Variants in WWOX observed in about 807,000 individuals in gnomAD.
The protein encoded by WWOX is WW domain containing oxidoreductase, also known as WW domain-containing oxidoreductase.
Under a neutral mutation model 46.2 loss-of-function variants are expected in WWOX, and 69 were observed. The observed-to-expected ratio is 1.49, with a 90% CI of 1.23 to 1.82. WWOX has a LOEUF of 1.82. Among genes scored for constraint, WWOX ranks in the 40% most tolerant of loss-of-function variants. The probability of loss-of-function intolerance (pLI) is 0.00; values close to 1 mark genes in which losing one functional copy is unlikely to be tolerated. For synonymous variants in WWOX, 359 were observed against 202.6 expected (o/e 1.77, Z -6.56); for missense variants, 919 against 542.6 (o/e 1.69, Z -6.89).
intron 8 of WWOX, among the ~76,000 whole-genome samples, chr16:79,026,933 C>T (rs1044142369): frequency 2.6e-5 from 4 of 150,990 alleles, no homozygotes; most frequent in Admixed American, 6.6e-5. Context: ...CTGGGCGGCA[C>T]GTGGTAGACT....
At chr16:78,489,464 A>G (rs922111210) in intron 8 of WWOX, among the ~76,000 whole-genome samples, 27 of 151,926 alleles carry the variant, frequency 1.8e-4, no homozygotes, top group African/African-American at 6.0e-4. Context: ...CAGCAGGGAC[A>G]TTCGTGAGCT....
At chr16:78,593,645 A>T (rs2045403679) in intron 8 of WWOX, among the ~76,000 whole-genome samples, 1 of 151,922 alleles carries the variant, frequency 6.6e-6, no homozygotes, top group African/African-American at 2.4e-5. Flanking sequence ...GCATAACTTC[A>T]CCACACACAG....
At chr16:78,542,541 A>G (rs1404211635) in intron 8 of WWOX, among the ~76,000 whole-genome samples, 1 of 152,176 alleles carries the variant, frequency 6.6e-6, no homozygotes, top group Non-Finnish European at 1.5e-5. Flanking sequence ...AAACTATGCA[A>G]CAGAAGCCGA....
chr16:78,225,901 A>G (rs2037038455), intron 5 of WWOX, among the ~76,000 whole-genome samples: 1 of 152,118 alleles, frequency 6.6e-6, no homozygotes, highest in Non-Finnish European at 1.5e-5. Flanking sequence ...ACTCCCTTCT[A>G]TTCTACATCT....
At position 78,156,079 on chromosome 16, in the gene WWOX, A is replaced by G. The variant is rs551947338; in HGVS notation, c.410-8104A>G. ...AAAGTAGACTAGCAACGGGTAATGCATTGCTTAGATAAAGGAAGATGTAAG... is the reference window on the plus strand; with the variant it reads ...AAAGTAGACTAGCAACGGGTAATGCGTTGCTTAGATAAAGGAAGATGTAAG... On this transcript the variant is annotated intron_variant, in intron 4 of 8. Transcript: ENST00000566780. 1.5e-3 allele frequency among the ~76,000 whole-genome samples: 223 copies of G among 152,340 alleles called. 1 individual carries two copies. Among genetic ancestry groups the G allele is most frequent in the South Asian group, 5.8e-3 (28 of 4,822 alleles).
chr16:78,582,628 G>T (rs868832129), intron 8 of WWOX, among the ~76,000 whole-genome samples: 3 of 152,090 alleles, frequency 2.0e-5, no homozygotes, highest in East Asian at 1.9e-4. Flanking sequence ...GTGGTTGATT[G>T]GTCCAACCTT....
intron 5 of WWOX, chr16:78,265,002 T>TTTCTTTC (rs532710320): frequency 9.5e-5 from 6 of 63,236 alleles, no homozygotes; most frequent in East Asian, 1.2e-3. Flanking sequence ...TCTTTCTTTC[T>TTTCTTTC]TTTTTTTTTT....
At chr16:78,619,246 C>T (rs1433076371) in intron 8 of WWOX, among the ~76,000 whole-genome samples, 1 of 108,650 alleles carries the variant, frequency 9.2e-6, no homozygotes, top group African/African-American at 3.6e-5. Context: ...CCCTTGTAGT[C>T]CCAGCTACTT....
intron 8 of WWOX, among the ~76,000 whole-genome samples, chr16:78,995,222 C>T (rs542197770): frequency 6.6e-6 from 1 of 151,998 alleles, no homozygotes; most frequent in Non-Finnish European, 1.5e-5. Flanking sequence ...ATACGTGATT[C>T]CAAAGCCCAT....
intron 8 of WWOX, among the ~76,000 whole-genome samples, chr16:78,501,060 G>A (rs1168312993): frequency 5.3e-5 from 8 of 152,150 alleles, no homozygotes; most frequent in Admixed American, 5.2e-4. Context: ...TAACAGTGAA[G>A]AATGTTGGGC....
intron 8 of WWOX, among the ~76,000 whole-genome samples, chr16:78,669,740 T>C (rs2047416582): frequency 6.6e-6 from 1 of 152,228 alleles, no homozygotes; most frequent in Non-Finnish European, 1.5e-5. Context: ...ATCCCTTCAA[T>C]ATGTGTTCCC....
chr16:78,941,048 C>T (rs1223211104), intron 8 of WWOX, among the ~76,000 whole-genome samples: 1 of 151,972 alleles, frequency 6.6e-6, no homozygotes, highest in Non-Finnish European at 1.5e-5. Context: ...AGACTCACAG[C>T]CATGAATTTC....
intron 4 of WWOX, among the ~76,000 whole-genome samples, chr16:78,128,716 T>G (rs1356925204): frequency 6.6e-6 from 1 of 152,224 alleles, no homozygotes; most frequent in Non-Finnish European, 1.5e-5. Context: ...ATGGAGAGAC[T>G]CCGCTGTGTC....
intron 8 of WWOX, among the ~76,000 whole-genome samples, chr16:79,117,165 C>G (rs551841981): frequency 3.9e-5 from 6 of 152,266 alleles, no homozygotes; most frequent in African/African-American, 1.2e-4. Flanking sequence ...GCACATGCCA[C>G]TAGGCTGGGC....
chr16:78,901,291 G>C (rs2044825345), intron 8 of WWOX, among the ~76,000 whole-genome samples: 1 of 152,212 alleles, frequency 6.6e-6, no homozygotes, highest in Non-Finnish European at 1.5e-5. Context: ...CAAAGTATGT[G>C]TTTGTGAAAA....
rs117991174 is a variant in WWOX, at chr16:79,128,820, C to T, written c.1057-82788C>T. Among the ~76,000 whole-genome samples the T allele has an allele frequency of 9.5e-4, 144 of 152,266 alleles. 3 individuals are homozygous for T. In the East Asian group the frequency reaches 0.025, roughly 27 times the overall value. On this transcript the variant is annotated intron_variant, in intron 8 of 8. Transcript: ENST00000566780. The stretch of plus-strand genomic sequence containing the variant: ...TAGGTCTCCTTACATATTTTGTTCA[C>T]AATGGGACTAGAACACTCTGCAGAG...
chr16:79,162,363 G>A (rs2050503574), intron 8 of WWOX, among the ~76,000 whole-genome samples: 1 of 152,156 alleles, frequency 6.6e-6, no homozygotes, highest in African/African-American at 2.4e-5. Flanking sequence ...GCAGACCAGA[G>A]TTACGTGCAC....
chr16:78,876,935 G>A (rs2044245721), intron 8 of WWOX, among the ~76,000 whole-genome samples: 1 of 152,046 alleles, frequency 6.6e-6, no homozygotes, highest in African/African-American at 2.4e-5. Flanking sequence ...TTAAAATTAA[G>A]GCATAAAGTA....
At chr16:78,430,450 G>A (rs2083188935) in intron 7 of WWOX, among the ~76,000 whole-genome samples, 1 of 152,144 alleles carries the variant, frequency 6.6e-6, no homozygotes, top group African/African-American at 2.4e-5. Flanking sequence ...GATGTTTCTA[G>A]GCTCAGATAA....
Sources: allele counts gnomAD v4.1 joint callset (sites outside exome capture counted in the v4.1 genomes callset), GRCh38; gene constraint gnomAD v4.1.1; transcripts MANE v1.5; gene names NCBI Gene and HGNC (gene_info 2026-07-23, HGNC 2026-07-21).